Variants in KCP observed in about 807,000 individuals in gnomAD.
KCP encodes the protein kielin/chordin-like protein.
Under a neutral mutation model 212.7 loss-of-function variants are expected in KCP, and 194 were observed. That is an observed-to-expected ratio of 0.91 (90% CI 0.81 to 1.03). The LOEUF is 1.03. KCP is among the 50% of genes least tolerant of loss of function. The probability of loss-of-function intolerance (pLI) is 0.00; values close to 1 mark genes in which losing one functional copy is unlikely to be tolerated. For missense variants in KCP, 2,080 were observed against 2,162.5 expected (o/e 0.96, Z 0.76); for synonymous variants, 833 against 865.3 (o/e 0.96, Z 0.65).
chr7:128,888,395 CAG>C (rs1482493202), intron 22 of KCP, among the ~76,000 whole-genome samples: 3 of 150,956 alleles, frequency 2.0e-5, no homozygotes, highest in African/African-American at 7.3e-5. Context: ...CAGCCACACA[CAG>C]ATACACACAT....
chr7:128,900,819 G>T (rs1794801344), intron 8 of KCP, among the ~76,000 whole-genome samples: 1 of 152,164 alleles, frequency 6.6e-6, no homozygotes, highest in Non-Finnish European at 1.5e-5. Context: ...AATTACAAAA[G>T]ATGGATTTTT....
At chr7:128,907,586 G>T (rs1026861459) in intron 2 of KCP, 133 bp from the exon 3 acceptor site, 5 of 556,408 alleles carry the variant, frequency 9.0e-6, no homozygotes, top group Admixed American at 3.7e-5. Context: ...GGTCCCCCTC[G>T]GTCAGCATCC....
At chr7:128,879,058 A>G in intron 37 of KCP, 1 of 385,334 alleles carries the variant, frequency 2.6e-6, no homozygotes, top group Non-Finnish European at 4.7e-6. Flanking sequence ...GGCCTTGCAG[A>G]GGACAAAGCA....
In KCP at chr7:128,891,883, T is replaced by A. The variant is rs908435657; in HGVS notation, c.1622-64A>T. ...CCTGACAGTCCCTCCAGCCCTGGAG[T>A]CCAGAGCCGCCACACAAGTGCCCAC... On this transcript the variant is annotated intron_variant, in intron 16 of 39. Coordinates refer to ENST00000610776, the MANE Select transcript of KCP (RefSeq NM_001366122.1). The A allele has an allele frequency of 4.0e-6, 5 of 1,259,004 alleles. No individual in the cohort carries two copies. The African/African-American group carries it at 7.7e-5, about 19-fold the overall frequency. 78.0% of individuals were successfully genotyped at this position (1,259,004 alleles called of 1,614,324 possible).
At position 128,907,317 on chromosome 7, in the gene KCP, C is replaced by T; in HGVS notation, c.356G>A (p.Cys119Tyr). 1.3e-6 allele frequency: 2 copies of T among 1,540,536 alleles called. No individual in the cohort carries two copies. Among genetic ancestry groups the T allele is most frequent in the Non-Finnish European group, 1.8e-6 (2 of 1,138,568 alleles). ...WEPDACTACV[C>Y]QDGAAHCGPQ... The stretch of plus-strand genomic sequence containing the variant: ...GCCACAGTGAGCGGCCCCATCCTGG[C>T]AGACGCAGGCTGTGCAGGCGTCAGG... The change falls in exon 3 of 40, where the codon TGC becomes TAC. Residue 119 changes from cysteine (C) to tyrosine (Y), a missense_variant. Coordinates refer to ENST00000610776, the MANE Select transcript of KCP (RefSeq NM_001366122.1).
In KCP at chr7:128,889,676, T is replaced by C. The variant is rs77904034; in HGVS notation, c.2336-637A>G. ...ACTTACAGTGTGATATAAAACTCCTTTCTAAATCAAATTAAATTAATAAGT... is the reference window on the plus strand; with the variant it reads ...ACTTACAGTGTGATATAAAACTCCTCTCTAAATCAAATTAAATTAATAAGT... On this transcript the variant is annotated intron_variant, in intron 21 of 39. Transcript: ENST00000610776. Among the ~76,000 whole-genome samples, 1,134 of 152,336 alleles carry C rather than the reference T, an allele frequency of 7.4e-3. 14 individuals carry two copies. Among genetic ancestry groups the C allele is most frequent in the African/African-American group, 0.026 (1,071 of 41,562 alleles).
chr7:128,882,856 G>C (rs960415771), intron 29 of KCP, among the ~76,000 whole-genome samples: 5 of 152,182 alleles, frequency 3.3e-5, no homozygotes, highest in African/African-American at 1.2e-4. Flanking sequence ...TGGATCACCT[G>C]AGGTCAGGAG....
intron 2 of KCP, among the ~76,000 whole-genome samples, 168 bp downstream of exon 2, chr7:128,908,258 G>T (rs894982482): frequency 9.3e-6 from 1 of 107,294 alleles, no homozygotes; most frequent in Non-Finnish European, 2.2e-5. Flanking sequence ...AAAGAAGAAA[G>T]AAAGAAAGAA....
In KCP at chr7:128,891,809, C is replaced by G; in HGVS notation, c.1632G>C (p.Leu544=). ...QCCPRCPDCI[L]EEEVFVDGES... is the part of the protein sequence containing the mutation. The stretch of plus-strand genomic sequence containing the variant: ...CGCCGTCCACAAACACCTCTTCCTC[C>G]AGGATGCAGTCTGGGCAGTGGATGG... Residue 544 remains leucine, a synonymous_variant, in exon 17 of 40, where the codon CTG becomes CTC. Coordinates refer to ENST00000610776, the MANE Select transcript of KCP (RefSeq NM_001366122.1). 1 of 1,448,186 alleles carries G rather than the reference C, an allele frequency of 6.9e-7. No homozygotes were observed. Among genetic ancestry groups the G allele is most frequent in the Non-Finnish European group, 9.1e-7 (1 of 1,098,268 alleles). The allele number at this position is 1,448,186 out of a possible 1,614,324, so 89.7% of individuals were successfully genotyped here.
intron 21 of KCP, among the ~76,000 whole-genome samples, chr7:128,889,460 T>G (rs1483100271): frequency 6.6e-6 from 1 of 152,098 alleles, no homozygotes. Context: ...CAGGAAGGGG[T>G]GGGGTCCCAG....
intron 5 of KCP, 163 bp from the exon 6 acceptor site, chr7:128,904,301 C>A (rs1323139986): frequency 1.3e-6 from 2 of 1,552,466 alleles, no homozygotes; most frequent in Non-Finnish European, 1.7e-6. Context: ...GCAGATGGGG[C>A]AGCACTCCCC....
chr7:128,887,160 A>G, intron 23 of KCP, 55 bp downstream of exon 23: 1 of 1,446,014 alleles, frequency 6.9e-7, no homozygotes, highest in Non-Finnish European at 9.5e-7. Flanking sequence ...CTTCCTGGCC[A>G]GAGAGGAGTA....
intron 7 of KCP, chr7:128,903,124 G>A (rs1316550523): frequency 1.1e-5 from 6 of 528,372 alleles, no homozygotes; most frequent in Admixed American, 3.4e-5. Flanking sequence ...CTGGCCCCTC[G>A]TCACCTCTCA....
chr7:128,879,245 C>T (rs1275272750), intron 37 of KCP: 11 of 480,912 alleles, frequency 2.3e-5, no homozygotes, highest in Admixed American at 1.7e-4. Context: ...TTCCCATTCC[C>T]CACTTTACAG....
chr7:128,886,475 G>A lies in KCP; in HGVS notation c.2855C>T (p.Pro952Leu). 6.5e-7 allele frequency: 1 copy of A among 1,549,314 alleles called. No homozygotes were observed. The highest frequency in any genetic ancestry group is 1.2e-5 in the South Asian group (1 of 83,988). The change falls in exon 26 of 40, where the codon CCT becomes CTT. Residue 952 changes from proline (P) to leucine (L), a missense_variant. Pro to Leu is a moderately conservative substitution (Grantham distance 98). Transcript: ENST00000610776. The stretch of plus-strand genomic sequence containing the variant: ...ACAGGCGGCCATACCTCTGCAGCGA[G>A]GGCAGCAGCTCCCCCGCTCGGTGAC... ...LQVTERGSCC[P>L]RCRGCLAHGE...
intron 27 of KCP, 86 bp from the exon 28 acceptor site, chr7:128,884,949 C>T (rs1410633200): frequency 6.7e-7 from 1 of 1,485,092 alleles, no homozygotes; most frequent in Non-Finnish European, 9.2e-7. Context: ...TCTCCAGCCT[C>T]CCCCTGATCC....
At chr7:128,885,302 G>A (rs1257778172) in intron 26 of KCP, 32 bp from the exon 27 acceptor site, 2 of 1,517,868 alleles carry the variant, frequency 1.3e-6, no homozygotes, top group Non-Finnish European at 1.8e-6. Flanking sequence ...GACGAGCTCG[G>A]AGGTTGAGAT....
intron 39 of KCP, 24 bp from the exon 40 acceptor site, chr7:128,877,335 G>A (rs1793050980): frequency 3.9e-6 from 6 of 1,526,380 alleles, no homozygotes; most frequent in Non-Finnish European, 5.3e-6. Context: ...GGGAGGCGGG[G>A]TTACCAAGGC....
Position 128,907,307 on chromosome 7 carries a change from C to T in KCP, c.366G>A (p.Gly122=), listed in dbSNP as rs1422297890. ...GTGCTTGGGGGCCACAGTGAGCGGC[C>T]CCATCCTGGCAGACGCAGGCTGTGC... ...DACTACVCQD[G]AAHCGPQAHL... Residue 122 remains glycine, a synonymous_variant, in exon 3 of 40, where the codon GGG becomes GGA. Transcript: ENST00000610776. The T allele has an allele frequency of 2.5e-5, 38 of 1,539,550 alleles. No individual in the cohort carries two copies. Among genetic ancestry groups the T allele is most frequent in the Non-Finnish European group, 2.8e-5 (32 of 1,137,670 alleles).
Sources: gnomAD v4.1 joint callset for allele counts (sites outside exome capture counted in the v4.1 genomes callset) on GRCh38, gnomAD v4.1.1 for gene constraint, MANE v1.5 for transcripts, NCBI Gene and HGNC (gene_info 2026-07-23, HGNC 2026-07-21) for gene names.